The following MACROD2 variants were observed in gnomAD, a reference collection of about 807,000 sequenced individuals.
MACROD2 encodes the protein mono-ADP ribosylhydrolase 2, also known as ADP-ribose glycohydrolase MACROD2.
In MACROD2, 36 loss-of-function variants were observed where a neutral mutation model predicts 70.4. The ratio of observed to expected loss-of-function variants is 0.51; its 90% CI spans 0.39 to 0.68. The LOEUF (loss-of-function observed/expected upper bound fraction) is 0.68. Ranked by LOEUF, MACROD2 falls within the 30% of genes least tolerant of loss-of-function variation. MACROD2 has a pLI of 0.00. For missense variants in MACROD2, 496 were observed against 538.4 expected (o/e 0.92, Z 0.78); for synonymous variants, 172 against 178.8 (o/e 0.96, Z 0.30).
chr20:14,161,700 C>G (rs1054043454), intron 3 of MACROD2, among the ~76,000 whole-genome samples: 2 of 151,874 alleles, frequency 1.3e-5, no homozygotes, highest in Admixed American at 6.6e-5. Flanking sequence ...CCTCAGCCTT[C>G]CATGTAGCTG....
intron 3 of MACROD2, among the ~76,000 whole-genome samples, chr20:14,225,018 A>G (rs1037018435): frequency 6.6e-6 from 1 of 152,084 alleles, no homozygotes; most frequent in African/African-American, 2.4e-5. Flanking sequence ...TTATTTTCCA[A>G]TTTGTCATCT....
intron 5 of MACROD2, among the ~76,000 whole-genome samples, chr20:15,005,577 T>C (rs1484851664): frequency 6.6e-6 from 1 of 152,226 alleles, no homozygotes; most frequent in Non-Finnish European, 1.5e-5. Context: ...TATAGTTTGC[T>C]TTGATGCAGT....
chr20:14,814,159 G>C (rs2072747196), intron 5 of MACROD2, among the ~76,000 whole-genome samples: 1 of 152,096 alleles, frequency 6.6e-6, no homozygotes, highest in African/African-American at 2.4e-5. Flanking sequence ...AATGGAGAAA[G>C]TGGAAGATGA....
At chr20:15,596,570 A>G (rs1333883965) in intron 8 of MACROD2, among the ~76,000 whole-genome samples, 1 of 152,238 alleles carries the variant, frequency 6.6e-6, no homozygotes, top group African/African-American at 2.4e-5. Context: ...GAATGCTCTG[A>G]GAGCTAATTT....
intron 2 of MACROD2, among the ~76,000 whole-genome samples, chr20:14,047,022 C>T (rs2053487728): frequency 1.3e-5 from 2 of 151,654 alleles, no homozygotes; most frequent in Admixed American, 6.6e-5. Flanking sequence ...AAATGAATAC[C>T]CTTACAAATA....
At chr20:15,744,217 T>C (rs1323760115) in intron 8 of MACROD2, among the ~76,000 whole-genome samples, 2 of 152,164 alleles carry the variant, frequency 1.3e-5, no homozygotes, top group Non-Finnish European at 2.9e-5. Flanking sequence ...AAACCAAATA[T>C]TGAAAGACTA....
At chr20:14,864,779 C>T (rs940732318) in intron 5 of MACROD2, among the ~76,000 whole-genome samples, 1 of 152,014 alleles carries the variant, frequency 6.6e-6, no homozygotes, top group East Asian at 1.9e-4. Context: ...GATCTAAAAT[C>T]CCAGTTTGCT....
At chr20:14,397,450 T>C (rs2083592952) in intron 3 of MACROD2, among the ~76,000 whole-genome samples, 1 of 152,252 alleles carries the variant, frequency 6.6e-6, no homozygotes, top group African/African-American at 2.4e-5. Flanking sequence ...AATAACATTG[T>C]AGTTTATGTA....
chr20:14,382,049 T>C (rs1227516290), intron 3 of MACROD2, among the ~76,000 whole-genome samples: 4 of 145,430 alleles, frequency 2.8e-5, no homozygotes, highest in African/African-American at 1.0e-4. Flanking sequence ...ACATATACTA[T>C]AATGGGATTG....
chr20:14,497,118 A>G (rs1263879488), intron 4 of MACROD2, among the ~76,000 whole-genome samples: 1 of 151,706 alleles, frequency 6.6e-6, no homozygotes, highest in East Asian at 1.9e-4. Context: ...CAGGAAAAAT[A>G]AGTGAGAGGA....
chr20:14,601,774 A>G (rs1362251865), intron 4 of MACROD2, among the ~76,000 whole-genome samples: 1 of 152,096 alleles, frequency 6.6e-6, no homozygotes, highest in African/African-American at 2.4e-5. Context: ...TGTCTAGGTC[A>G]TAATGTTTTC....
intron 5 of MACROD2, among the ~76,000 whole-genome samples, chr20:15,127,930 T>G (rs2076078316): frequency 6.6e-6 from 1 of 152,082 alleles, no homozygotes; most frequent in Admixed American, 6.6e-5. Flanking sequence ...TTTATAAATT[T>G]AGATGTTTAT....
At chr20:14,122,213 T>G (rs2054597287) in intron 3 of MACROD2, among the ~76,000 whole-genome samples, 2 of 152,178 alleles carry the variant, frequency 1.3e-5, no homozygotes, top group Admixed American at 1.3e-4. Context: ...AAACTTGGAT[T>G]TGAATTGTCT....
chr20:15,869,265 A>AGAGAGC (rs1322416478), intron 9 of MACROD2, among the ~76,000 whole-genome samples: 3 of 141,886 alleles, frequency 2.1e-5, no homozygotes, highest in African/African-American at 7.7e-5. Context: ...AGAGAGAGAG[A>AGAGAGC]GAGCAATGCT....
At chr20:15,531,957 C>A (rs1250569994) in intron 8 of MACROD2, among the ~76,000 whole-genome samples, 1 of 152,102 alleles carries the variant, frequency 6.6e-6, no homozygotes, top group Admixed American at 6.6e-5. Flanking sequence ...GCAAATTACT[C>A]TTTTATTGTG....
At chr20:15,416,129 C>T (rs1165890767) in intron 6 of MACROD2, among the ~76,000 whole-genome samples, 2 of 152,172 alleles carry the variant, frequency 1.3e-5, no homozygotes, top group Admixed American at 1.3e-4. Context: ...TGGCTGCTCC[C>T]CATCTTGTTC....
rs75813989 is a variant in MACROD2, at chr20:15,553,233, A to G, written c.645+53386A>G. Among the ~76,000 whole-genome samples, 13 of 152,250 alleles carry G rather than the reference A, an allele frequency of 8.5e-5. No individual in the cohort carries two copies. The East Asian group carries it at 2.5e-3, about 29-fold the overall frequency. ...ACACACGAGTCGACAAAATAAACAT[A>G]ACCCATCCCTCTCCATCATAGAGCT... On this transcript the variant is annotated intron_variant, in intron 8 of 17. Coordinates refer to ENST00000684519, the MANE Select transcript of MACROD2 (RefSeq NM_001351661.2).
At chr20:15,360,621 T>C (rs1431605242) in intron 6 of MACROD2, among the ~76,000 whole-genome samples, 1 of 152,146 alleles carries the variant, frequency 6.6e-6, no homozygotes, top group Non-Finnish European at 1.5e-5. Context: ...AAGTTCATGG[T>C]GCATTTTCTA....
chr20:14,484,344 A>G (rs1222766557), intron 3 of MACROD2, among the ~76,000 whole-genome samples: 5 of 152,154 alleles, frequency 3.3e-5, no homozygotes, highest in Admixed American at 3.3e-4. Context: ...ATAGAAGTAC[A>G]TGAGATTATT....
Sources: gnomAD v4.1 joint callset for allele counts (sites outside exome capture counted in the v4.1 genomes callset) on GRCh38, gnomAD v4.1.1 for gene constraint, MANE v1.5 for transcripts, NCBI Gene and HGNC (gene_info 2026-07-23, HGNC 2026-07-21) for gene names.